The following NBR1 variants were observed in gnomAD, a reference collection of about 807,000 sequenced individuals.
The protein encoded by NBR1 is next to BRCA1 gene 1 protein.
NBR1 carries 59 observed loss-of-function variants against 115.5 expected under a neutral mutation model. The ratio of observed to expected loss-of-function variants is 0.51; its 90% confidence interval spans 0.41 to 0.63. The LOEUF (loss-of-function observed/expected upper bound fraction) is 0.63, where lower values mean the gene tolerates loss of function less well. NBR1 is among the 30% of genes least tolerant of loss of function. The pLI is 0.00. For synonymous variants in NBR1, 373 were observed against 414.7 expected, an observed-to-expected ratio of 0.90 and a Z score of 1.22; for missense variants, 1,043 against 1,150.5, an observed-to-expected ratio of 0.91 and a Z score of 1.35.
rs185941907 is a variant in NBR1, at chr17:43,171,536, G to A, written c.-10+234G>A. Among the ~76,000 whole-genome samples, 10 of 152,308 alleles carry A rather than the reference G, an allele frequency of 6.6e-5. No individual in the cohort carries two copies. In the East Asian group the frequency reaches 1.9e-3, roughly 29 times the overall value. ...GTCAGAACATCCGGCTTCTACTGAT[G>A]GAAGGCCACGACTCCCCAGTGGAAT... On this transcript the variant is annotated intron_variant, in intron 1 of 20. Coordinates refer to ENST00000590996, the MANE Select transcript of NBR1 (RefSeq NM_005899.5).
chr17:43,177,040 A>G (rs995315719), intron 2 of NBR1, among the ~76,000 whole-genome samples: 1 of 152,104 alleles, frequency 6.6e-6, no homozygotes, highest in Non-Finnish European at 1.5e-5. Flanking sequence ...GGAGGCCAAG[A>G]TGGGTGGACC....
intron 1 of NBR1, among the ~76,000 whole-genome samples, chr17:43,173,908 C>T (rs1482559575): frequency 2.3e-5 from 3 of 131,424 alleles, no homozygotes; most frequent in Admixed American, 1.0e-4. Flanking sequence ...GCTATTTTTT[C>T]ATATCTTGTT....
intron 5 of NBR1, 131 bp from the exon 6 acceptor site, chr17:43,186,119 A>T: frequency 1.4e-6 from 1 of 702,804 alleles, no homozygotes; most frequent in South Asian, 2.2e-5. Context: ...TGTTGGATTT[A>T]ATAAAGCAAA....
At chr17:43,207,531 A>T (rs986161704) in intron 20 of NBR1, among the ~76,000 whole-genome samples, 2 of 152,074 alleles carry the variant, frequency 1.3e-5, no homozygotes, top group Non-Finnish European at 2.9e-5. Context: ...CTAGTTTTTT[A>T]AAAATCTTTT....
chr17:43,190,072 T>G, intron 8 of NBR1: 10 of 424,442 alleles, frequency 2.4e-5, no homozygotes, highest in East Asian at 8.8e-5. Flanking sequence ...CTAAGGGTAG[T>G]TCCTCGGTTG....
chr17:43,205,191 T>G (rs781166268), intron 20 of NBR1, among the ~76,000 whole-genome samples: 10 of 152,082 alleles, frequency 6.6e-5, no homozygotes, highest in Middle Eastern at 3.4e-3. Flanking sequence ...CCGTCTCTAC[T>G]AAAAATACAA....
At chr17:43,191,315 A>C (rs1472087246) in intron 9 of NBR1, 57 bp from the exon 10 acceptor site, 5 of 1,343,678 alleles carry the variant, frequency 3.7e-6, no homozygotes, top group African/African-American at 1.5e-5. Flanking sequence ...TTGGCTCCAC[A>C]TAGCTTCAGA....
In NBR1 at chr17:43,211,298, A is replaced by G. The variant is rs896677151; in HGVS notation, c.*1224A>G. 1 of 152,736 alleles carries G rather than the reference A, an allele frequency of 6.5e-6. No individual in the cohort carries two copies. The allele number at this position is 152,736 out of a possible 1,614,324, so 9.5% of individuals were successfully genotyped here. A position where few individuals can be genotyped will look rare whatever the true frequency, so the allele number is the denominator to read the frequency against. The stretch of plus-strand genomic sequence containing the variant: ...TATTTTATCCATGAAAATGACTTCC[A>G]GAAAAGGAAGAATATGAACCCCAGA... On this transcript the variant is annotated 3_prime_UTR_variant, in exon 21 of 21. Coordinates refer to ENST00000590996, the MANE Select transcript of NBR1 (RefSeq NM_005899.5).
intron 16 of NBR1, 139 bp downstream of exon 16, chr17:43,197,245 C>T (rs1349432370): frequency 2.3e-6 from 2 of 885,150 alleles, no homozygotes; most frequent in Non-Finnish European, 3.4e-6. Flanking sequence ...CTTGGCGGGG[C>T]GTGGTGGCTC....
rs761826142 is a variant in NBR1 at position 43,179,422 on chromosome 17, T to C, written c.184+10T>C. 3 of 1,612,054 alleles carry C rather than the reference T, an allele frequency of 1.9e-6. No homozygotes were observed. The highest frequency in any genetic ancestry group is 2.5e-6 in the Non-Finnish European group (3 of 1,178,234). ...TCCATCAACAGTCAAGGTGAGTCCC[T>C]AAGAGAGTCTGTTCAGCCTTGTTTA... On this transcript the variant is annotated intron_variant, in intron 4 of 20. Transcript: ENST00000590996.
At chr17:43,175,566 T>C (rs1409040916) in intron 1 of NBR1, among the ~76,000 whole-genome samples, 2 of 152,236 alleles carry the variant, frequency 1.3e-5, no homozygotes, top group Non-Finnish European at 2.9e-5. Flanking sequence ...TACAAGTCTT[T>C]ATGGCATGGT....
chr17:43,177,031 G>A (rs2056533827), intron 2 of NBR1, among the ~76,000 whole-genome samples: 1 of 152,136 alleles, frequency 6.6e-6, no homozygotes, highest in Non-Finnish European at 1.5e-5. Context: ...AGCACTTTGG[G>A]AGGCCAAGAT....
At position 43,210,536 on chromosome 17, in the gene NBR1, T is replaced by A. The variant is rs2057399255; in HGVS notation, c.*462T>A. On this transcript the variant is annotated 3_prime_UTR_variant, in exon 21 of 21. Transcript: ENST00000590996. ...ATAATTTCTGTAATCCACCTCAAGC[T>A]TCATAGTTATTTGGCATTGAAATAA... The A allele has an allele frequency of 1.0e-5, 4 of 398,284 alleles. No individual in the cohort carries two copies. Among genetic ancestry groups the A allele is most frequent in the Non-Finnish European group, 1.8e-5 (4 of 226,050 alleles). The allele number at this position is 398,284 out of a possible 1,614,324, so 24.7% of individuals were successfully genotyped here. A position where few individuals can be genotyped will look rare whatever the true frequency, so the allele number is the denominator to read the frequency against.
chr17:43,189,506 G>A, intron 7 of NBR1, 82 bp from the exon 8 acceptor site: 2 of 931,848 alleles, frequency 2.1e-6, no homozygotes, highest in Non-Finnish European at 3.4e-6. Context: ...GAGACAGTTA[G>A]GTTTCAGATC....
rs1392168926 is a variant in NBR1 at position 43,211,284 on chromosome 17, T to C, written c.*1210T>C. The C allele has an allele frequency of 6.6e-6, 1 of 152,606 alleles. No homozygotes were observed. Among genetic ancestry groups the C allele is most frequent in the Non-Finnish European group, 1.5e-5 (1 of 68,062 alleles). 9.5% of individuals were successfully genotyped at this position (152,606 alleles called of 1,614,324 possible). On this transcript the variant is annotated 3_prime_UTR_variant, in exon 21 of 21. Transcript: ENST00000590996. ...CAAAAAATGCTAAATATTTTATCCA[T>C]GAAAATGACTTCCAGAAAAGGAAGA... is the stretch of plus-strand genomic sequence containing the variant.
At chr17:43,188,286 C>G (rs562098782) in intron 6 of NBR1, among the ~76,000 whole-genome samples, 3 of 152,252 alleles carry the variant, frequency 2.0e-5, no homozygotes, top group African/African-American at 4.8e-5. Context: ...CTGTTCATAT[C>G]CTTTACCCAC....
At chr17:43,200,096 T>C (rs1445322930) in intron 16 of NBR1, 71 bp from the exon 17 acceptor site, 2 of 1,245,834 alleles carry the variant, frequency 1.6e-6, no homozygotes, top group Non-Finnish European at 1.1e-6. Context: ...CCACAAGGCT[T>C]TACCAAGTAA....
Position 43,177,964 on chromosome 17 carries a change from T to C in NBR1, c.131T>C (p.Ile44Thr). The C allele has an allele frequency of 1.9e-6, 3 of 1,562,596 alleles. No individual in the cohort carries two copies. The highest frequency in any genetic ancestry group is 1.1e-5 in the South Asian group (1 of 89,426). ...AAAGTTTCATTTGATCTGAATACTA[T>C]TCAAATAAAATACCTGGATGAGGAA... ...MVKVSFDLNT[I>T]QIKYLDEENE... is the part of the protein sequence containing the mutation. Residue 44 changes from isoleucine (I) to threonine (T), a missense_variant, in exon 3 of 21, where the codon ATT becomes ACT. Coordinates refer to ENST00000590996, the MANE Select transcript of NBR1 (RefSeq NM_005899.5).
In NBR1 at chr17:43,182,886, TC is replaced by T. The variant is rs540650554; in HGVS notation, c.207+2071del. 2.1e-3 allele frequency among the ~76,000 whole-genome samples: 314 copies of T among 151,458 alleles called. 5 individuals are homozygous for T. The highest frequency in any genetic ancestry group is 7.3e-3 in the African/African-American group (299 of 41,032). ...TCAAGTGATGTTCCTGCTTCAGCCTTCCTAATAGCTGGGATTACAGGTGTAT... is the reference window on the plus strand; with the variant it reads ...TCAAGTGATGTTCCTGCTTCAGCCTTCTAATAGCTGGGATTACAGGTGTAT... On this transcript the variant is annotated intron_variant, in intron 5 of 20. Coordinates refer to ENST00000590996, the MANE Select transcript of NBR1 (RefSeq NM_005899.5).
Sources: allele counts gnomAD v4.1 joint callset (sites outside exome capture counted in the v4.1 genomes callset), GRCh38; gene constraint gnomAD v4.1.1; transcripts MANE v1.5; gene names NCBI Gene and HGNC (gene_info 2026-07-23, HGNC 2026-07-21).